The following ATP8A1 variants were observed in gnomAD, a reference collection of about 807,000 sequenced individuals.
ATP8A1 encodes the protein phospholipid-transporting ATPase IA.
In ATP8A1, 90 loss-of-function variants were observed where a neutral mutation model predicts 177.7. That is an observed-to-expected ratio of 0.51 (90% CI 0.43 to 0.60). The LOEUF is 0.60. ATP8A1 is among the 20% of genes least tolerant of loss of function. ATP8A1 has a pLI of 0.00. For missense variants in ATP8A1, 1,072 were observed against 1,392.8 expected, an observed-to-expected ratio of 0.77 and a Z score of 3.67; for synonymous variants, 493 against 485.9, an observed-to-expected ratio of 1.01 and a Z score of -0.19.
intron 33 of ATP8A1, among the ~76,000 whole-genome samples, chr4:42,439,376 T>C (rs1577933518): frequency 6.6e-6 from 1 of 152,236 alleles, no homozygotes; most frequent in Non-Finnish European, 1.5e-5. Context: ...AAAATCTTCA[T>C]GTGTTGGAAA....
chr4:42,523,517 C>T (rs1421945428), intron 21 of ATP8A1, among the ~76,000 whole-genome samples: 1 of 152,140 alleles, frequency 6.6e-6, no homozygotes, highest in East Asian at 1.9e-4. Flanking sequence ...GAACTTAAAT[C>T]CCTGAGGCCA....
At chr4:42,441,585 A>G (rs1577938026) in intron 33 of ATP8A1, among the ~76,000 whole-genome samples, 6 of 152,260 alleles carry the variant, frequency 3.9e-5, no homozygotes, top group African/African-American at 1.4e-4. Flanking sequence ...TTTACCTCGG[A>G]GAATCTGAGT....
intron 22 of ATP8A1, among the ~76,000 whole-genome samples, chr4:42,512,591 C>T (rs929838841): frequency 1.3e-5 from 2 of 152,230 alleles, no homozygotes; most frequent in African/African-American, 2.4e-5. Context: ...CTGGCTGCCT[C>T]GTTTTCTAAC....
chr4:42,524,256 C>T (rs570560320), intron 21 of ATP8A1, among the ~76,000 whole-genome samples: 2 of 152,078 alleles, frequency 1.3e-5, no homozygotes, highest in East Asian at 1.9e-4. Context: ...CAGAGCCTGG[C>T]GTGTGGTAGG....
intron 22 of ATP8A1, among the ~76,000 whole-genome samples, chr4:42,513,294 G>A (rs1302025117): frequency 6.6e-6 from 1 of 152,122 alleles, no homozygotes; most frequent in Non-Finnish European, 1.5e-5. Flanking sequence ...TAGAGAAACA[G>A]TGCTCCCCTG....
intron 6 of ATP8A1, among the ~76,000 whole-genome samples, chr4:42,593,337 T>G (rs1734381714): frequency 6.6e-6 from 1 of 152,092 alleles, no homozygotes; most frequent in African/African-American, 2.4e-5. Flanking sequence ...AGGGGGTGAT[T>G]TGAAAACATC....
At chr4:42,637,176 A>T (rs887567320) in intron 1 of ATP8A1, 4 of 518,830 alleles carry the variant, frequency 7.7e-6, no homozygotes, top group Non-Finnish European at 1.5e-5. Flanking sequence ...ATCAACATGG[A>T]ATGATGACCT....
chr4:42,542,863 G>C (rs1728551915), intron 20 of ATP8A1, among the ~76,000 whole-genome samples: 1 of 152,112 alleles, frequency 6.6e-6, no homozygotes, highest in Admixed American at 6.6e-5. Flanking sequence ...GGATGTGGAA[G>C]ATCTTTACAA....
At chr4:42,453,507 G>C (rs1718156093) in intron 29 of ATP8A1, among the ~76,000 whole-genome samples, 1 of 152,120 alleles carries the variant, frequency 6.6e-6, no homozygotes. Context: ...TACAGATAAT[G>C]AAAAGACTTT....
chr4:42,484,620 G>T (rs1722016465), intron 25 of ATP8A1, among the ~76,000 whole-genome samples: 1 of 152,112 alleles, frequency 6.6e-6, no homozygotes, highest in Non-Finnish European at 1.5e-5. Context: ...ATTAGTAAAT[G>T]TCTTTTTAAA....
chr4:42,655,758 C>T (rs1331649716), intron 1 of ATP8A1, among the ~76,000 whole-genome samples: 2 of 152,090 alleles, frequency 1.3e-5, no homozygotes, highest in African/African-American at 2.4e-5. Context: ...CAGGGAGCCC[C>T]TAAGGAGAAA....
At chr4:42,463,231 C>G (rs1370202418) in intron 27 of ATP8A1, among the ~76,000 whole-genome samples, 2 of 152,070 alleles carry the variant, frequency 1.3e-5, no homozygotes, top group African/African-American at 4.8e-5. Context: ...TGGTTTGGCT[C>G]AAATCTCATC....
chr4:42,431,432 C>CT (rs1176144962), intron 33 of ATP8A1, among the ~76,000 whole-genome samples: 1 of 152,118 alleles, frequency 6.6e-6, no homozygotes, highest in Non-Finnish European at 1.5e-5. Flanking sequence ...ATTTATTCAA[C>CT]TTTTAAAATA....
chr4:42,522,782 T>C (rs1006695299), intron 21 of ATP8A1, among the ~76,000 whole-genome samples: 5 of 152,174 alleles, frequency 3.3e-5, no homozygotes, highest in Non-Finnish European at 5.9e-5. Flanking sequence ...AGTTTAAGAC[T>C]CAGCTCTGAA....
At chr4:42,603,396 G>A (rs1289150349) in intron 5 of ATP8A1, among the ~76,000 whole-genome samples, 2 of 152,004 alleles carry the variant, frequency 1.3e-5, no homozygotes, top group Non-Finnish European at 1.5e-5. Flanking sequence ...TTAAATTTTT[G>A]TACAATGAAT....
chr4:42,500,689 G>T (rs546444529), intron 24 of ATP8A1, among the ~76,000 whole-genome samples: 1 of 152,262 alleles, frequency 6.6e-6, no homozygotes, highest in East Asian at 1.9e-4. Flanking sequence ...CATTCTAGCC[G>T]GGGCTGCTGC....
intron 20 of ATP8A1, among the ~76,000 whole-genome samples, chr4:42,529,574 C>T (rs569573092): frequency 1.3e-5 from 2 of 152,308 alleles, no homozygotes; most frequent in African/African-American, 4.8e-5. Context: ...CTCAAATGCC[C>T]ATGGTCTCCA....
At chr4:42,539,793 C>T (rs1307776784) in intron 20 of ATP8A1, among the ~76,000 whole-genome samples, 1 of 151,704 alleles carries the variant, frequency 6.6e-6, no homozygotes, top group South Asian at 2.1e-4. Flanking sequence ...ACAAAGAAAA[C>T]AAAAAATCAA....
In ATP8A1 at chr4:42,591,464, C is replaced by G. The variant is rs568302988; in HGVS notation, c.451-580G>C. ...GCAAAGAAGTCAGCTTTGCATTATG[C>G]CTTAGGAAGCTTTGCAGTTATGCCT... On this transcript the variant is annotated intron_variant, in intron 6 of 36. Transcript: ENST00000381668. 3.3e-5 allele frequency among the ~76,000 whole-genome samples: 5 copies of G among 152,092 alleles called. No individual in the cohort carries two copies. In the East Asian group the frequency reaches 9.7e-4, roughly 29 times the overall value.
Sources: allele counts gnomAD v4.1 joint callset (sites outside exome capture counted in the v4.1 genomes callset), GRCh38; gene constraint gnomAD v4.1.1; transcripts MANE v1.5; gene names NCBI Gene and HGNC (gene_info 2026-07-23, HGNC 2026-07-21).